The following ZMAT4 variants were observed in gnomAD, a reference collection of about 807,000 sequenced individuals.
The protein encoded by ZMAT4 is zinc finger matrin-type 4.
Under a neutral mutation model 28.7 loss-of-function variants are expected in ZMAT4, and 17 were observed. That is an observed-to-expected ratio of 0.59 (90% confidence interval 0.41 to 0.89). The LOEUF is 0.89. ZMAT4 is among the 40% of genes least tolerant of loss of function. The probability of loss-of-function intolerance (pLI) is 0.00; values close to 1 mark genes in which losing one functional copy is unlikely to be tolerated. For synonymous variants in ZMAT4, 117 were observed against 109.2 expected (o/e 1.07, Z -0.44); for missense variants, 240 against 283.8 (o/e 0.85, Z 1.11).
chr8:40,533,471 A>G (rs1426526066), intron 6 of ZMAT4, among the ~76,000 whole-genome samples: 1 of 152,104 alleles, frequency 6.6e-6, no homozygotes, highest in African/African-American at 2.4e-5. Context: ...AGCAGGTTAG[A>G]CTCTTTTCAC....
chr8:40,665,237 CAA>C (rs67794891), intron 5 of ZMAT4, among the ~76,000 whole-genome samples: 18 of 129,904 alleles, frequency 1.4e-4, no homozygotes, highest in African/African-American at 5.1e-4. Context: ...AACACACACA[CAA>C]AAAAAACAAA....
At chr8:40,874,630 T>C (rs529233041) in intron 1 of ZMAT4, among the ~76,000 whole-genome samples, 151 of 152,352 alleles carry the variant, frequency 9.9e-4, no homozygotes, top group Non-Finnish European at 1.5e-3. Context: ...GCTTTATACT[T>C]AGAATGTGTT....
intron 3 of ZMAT4, among the ~76,000 whole-genome samples, chr8:40,719,094 A>T (rs1196401631): frequency 2.0e-5 from 3 of 152,036 alleles, no homozygotes; most frequent in Non-Finnish European, 4.4e-5. Context: ...CATTACCCCA[A>T]ACTGATGTTT....
chr8:40,797,929 AT>A (rs761798980), intron 2 of ZMAT4, among the ~76,000 whole-genome samples: 2 of 152,220 alleles, frequency 1.3e-5, no homozygotes, highest in Non-Finnish European at 2.9e-5. Context: ...GAGCCAGGCA[AT>A]TAAGCCAGGG....
At chr8:40,581,364 T>C in intron 5 of ZMAT4, 103 bp from the exon 6 acceptor site, 1 of 898,760 alleles carries the variant, frequency 1.1e-6, no homozygotes, top group East Asian at 2.5e-5. Flanking sequence ...CGGAGATAAC[T>C]CCTGATCTAC....
intron 5 of ZMAT4, among the ~76,000 whole-genome samples, chr8:40,659,774 A>T (rs1336829695): frequency 1.3e-5 from 2 of 152,152 alleles, no homozygotes; most frequent in Non-Finnish European, 2.9e-5. Context: ...GCCCAGAGAG[A>T]TGAAGCAACT....
chr8:40,792,491 G>GGAAA (rs796942592), intron 2 of ZMAT4, among the ~76,000 whole-genome samples: 168 of 13,710 alleles, frequency 0.012, 2 homozygotes, highest in South Asian at 0.045. Context: ...AAGGAAGGAA[G>GGAAA]GAAGGAAGGA....
chr8:40,808,661 C>A, intron 2 of ZMAT4: 1 of 376,248 alleles, frequency 2.7e-6, no homozygotes, highest in Non-Finnish European at 5.3e-6. Flanking sequence ...CATCTTCACT[C>A]AGGGGAGGTA....
chr8:40,682,609 A>G (rs1047517502), intron 4 of ZMAT4, among the ~76,000 whole-genome samples: 2 of 152,210 alleles, frequency 1.3e-5, no homozygotes, highest in African/African-American at 4.8e-5. Context: ...AATATATCCG[A>G]TGTTTCAAAA....
chr8:40,864,134 C>G (rs1256069113), intron 1 of ZMAT4, among the ~76,000 whole-genome samples: 1 of 152,190 alleles, frequency 6.6e-6, no homozygotes, highest in Non-Finnish European at 1.5e-5. Context: ...TGGACGTAAA[C>G]CAGAGGTGGG....
intron 1 of ZMAT4, among the ~76,000 whole-genome samples, chr8:40,862,558 C>T (rs1241949200): frequency 2.7e-5 from 3 of 111,124 alleles, no homozygotes; most frequent in Non-Finnish European, 3.6e-5. Context: ...TACCCTAAAA[C>T]TTAGAGTATA....
intron 3 of ZMAT4, among the ~76,000 whole-genome samples, chr8:40,751,817 T>C (rs1812464491): frequency 6.6e-6 from 1 of 152,090 alleles, no homozygotes; most frequent in African/African-American, 2.4e-5. Flanking sequence ...AGGTTTTAAT[T>C]AAAATAATTT....
At chr8:40,602,164 T>G (rs1176858101) in intron 5 of ZMAT4, among the ~76,000 whole-genome samples, 1 of 152,224 alleles carries the variant, frequency 6.6e-6, no homozygotes, top group African/African-American at 2.4e-5. Flanking sequence ...GTCCTGCAAT[T>G]CCATCCAGGT....
intron 5 of ZMAT4, among the ~76,000 whole-genome samples, chr8:40,640,276 C>T (rs1806961434): frequency 6.6e-6 from 1 of 152,142 alleles, no homozygotes; most frequent in Non-Finnish European, 1.5e-5. Context: ...CAGAACTAGC[C>T]CCTTATATCT....
At chr8:40,586,494 T>G (rs563175118) in intron 5 of ZMAT4, among the ~76,000 whole-genome samples, 1 of 152,288 alleles carries the variant, frequency 6.6e-6, no homozygotes, top group South Asian at 2.1e-4. Flanking sequence ...ACAATGAGGA[T>G]GAAGTGAAAT....
rs117538007 is a variant in ZMAT4 at position 40,645,845 on chromosome 8, G to A, written c.577+28859C>T. On this transcript the variant is annotated intron_variant, in intron 5 of 6. Coordinates refer to ENST00000297737, the MANE Select transcript of ZMAT4 (RefSeq NM_024645.3). ...TAAAGTATAGTATTCACAGTTGTAT[G>A]TATATAACCATATACAGTAATATGT... 3.5e-4 allele frequency among the ~76,000 whole-genome samples: 54 copies of A among 152,154 alleles called. No homozygotes were observed. In the East Asian group the frequency reaches 9.8e-3, roughly 28 times the overall value.
intron 3 of ZMAT4, among the ~76,000 whole-genome samples, chr8:40,763,230 G>C (rs971658402): frequency 3.9e-5 from 6 of 152,174 alleles, no homozygotes; most frequent in Non-Finnish European, 5.9e-5. Flanking sequence ...ATGTCCCCCA[G>C]CGCTTTGCAG....
chr8:40,889,797 T>C (rs764029124), intron 1 of ZMAT4, among the ~76,000 whole-genome samples: 3 of 152,240 alleles, frequency 2.0e-5, no homozygotes, highest in Non-Finnish European at 4.4e-5. Flanking sequence ...TAATGAATAA[T>C]GCTGAAAGGA....
chr8:40,733,848 T>C lies in ZMAT4; in HGVS notation c.192+33793A>G, dbSNP rs1489474390. ...TCCTGAGCCTTGCCATGAATCCCCA[T>C]GGTATTCCAGGAATACTCTGAGTAA... On this transcript the variant is annotated intron_variant, in intron 3 of 6. Coordinates refer to ENST00000297737, the MANE Select transcript of ZMAT4 (RefSeq NM_024645.3). Among the ~76,000 whole-genome samples, 9 of 152,164 alleles carry C rather than the reference T, an allele frequency of 5.9e-5. 1 individual carries two copies. Among genetic ancestry groups the C allele is most frequent in the Admixed American group, 5.2e-4 (8 of 15,268 alleles).
Sources: gnomAD v4.1 joint callset for allele counts (sites outside exome capture counted in the v4.1 genomes callset) on GRCh38, gnomAD v4.1.1 for gene constraint, MANE v1.5 for transcripts, NCBI Gene and HGNC (gene_info 2026-07-23, HGNC 2026-07-21) for gene names.